DTL: variants seen among roughly 807,000 people sequenced by gnomAD.
The protein encoded by DTL is denticleless E3 ubiquitin protein ligase adapter, also known as denticleless protein homolog.
In DTL, 46 loss-of-function variants were observed where a neutral mutation model predicts 87.0. The observed-to-expected ratio is 0.53, with a 90% CI of 0.42 to 0.68. The LOEUF (loss-of-function observed/expected upper bound fraction) is 0.68. Among genes scored for constraint, DTL ranks in the 30% least tolerant of loss-of-function variants. The probability of loss-of-function intolerance (pLI) is 0.00; values close to 1 mark genes in which losing one functional copy is unlikely to be tolerated. For synonymous variants in DTL, 308 were observed against 311.2 expected (o/e 0.99, Z 0.11); for missense variants, 737 against 869.4 (o/e 0.85, Z 1.91).
intron 14 of DTL, 77 bp downstream of exon 14, chr1:212,101,161 CT>C (rs11422325): frequency 0.018 from 11,985 of 677,058 alleles, no homozygotes; most frequent in South Asian, 0.022. Context: ...AGTCAGGATG[CT>C]TTTTTTTTTT....
chr1:212,047,208 A>T lies in DTL; in HGVS notation c.335A>T (p.Lys112Ile). 6.2e-7 allele frequency: 1 copy of T among 1,614,202 alleles called. No individual in the cohort carries two copies. Among genetic ancestry groups the T allele is most frequent in the South Asian group, 1.1e-5 (1 of 91,088 alleles). ...FDLAWVPGEL[K>I]LVTAAGDQTA... ...CTGGCCTGGGTTCCTGGTGAACTTA[A>T]ACTTGTAAGTGACTTTATTTCATTA... The change falls in exon 4 of 15, where the codon AAA (lysine) becomes ATA (isoleucine). Residue 112 changes from lysine (K) to isoleucine (I), a missense_variant. By Grantham distance (102) the Lys-to-Ile change is moderately radical (BLOSUM62 -3). Transcript: ENST00000366991.
chr1:212,095,809 C>T (rs1655429482), intron 13 of DTL, among the ~76,000 whole-genome samples: 1 of 152,146 alleles, frequency 6.6e-6, no homozygotes, highest in South Asian at 2.1e-4. Flanking sequence ...CATCTATGTT[C>T]ATCAGGGATA....
At chr1:212,085,275 G>T (rs1373239981) in intron 13 of DTL, among the ~76,000 whole-genome samples, 1 of 152,096 alleles carries the variant, frequency 6.6e-6, no homozygotes, top group Non-Finnish European at 1.5e-5. Flanking sequence ...TAAAATGAGG[G>T]TTCCAATTTC....
chr1:212,083,580 G>A (rs1655045169), intron 13 of DTL, among the ~76,000 whole-genome samples: 1 of 152,154 alleles, frequency 6.6e-6, no homozygotes, highest in Admixed American at 6.5e-5. Flanking sequence ...TAATAATAAG[G>A]TAAAGAATAA....
At chr1:212,038,325 T>C (rs887902992) in intron 1 of DTL, among the ~76,000 whole-genome samples, 15 of 152,368 alleles carry the variant, frequency 9.8e-5, no homozygotes, top group African/African-American at 2.9e-4. Flanking sequence ...TTCATTTCTA[T>C]AAAAGCTGTG....
intron 1 of DTL, among the ~76,000 whole-genome samples, chr1:212,036,741 CT>C (rs1287898243): frequency 6.6e-6 from 1 of 152,286 alleles, no homozygotes; most frequent in East Asian, 1.9e-4. Context: ...TCAACTTAAA[CT>C]TTTTGGTAAG....
rs1655665733 is a variant in DTL at position 212,102,906 on chromosome 1, A to G, written c.2159A>G (p.Asp720Gly). The G allele has an allele frequency of 6.2e-7, 1 of 1,611,886 alleles. No homozygotes were observed. The change falls in exon 15 of 15, where the codon GAC becomes GGC. Residue 720 changes from aspartate to glycine, a missense_variant. By Grantham distance (94) the Asp-to-Gly change is moderately conservative. Coordinates refer to ENST00000366991, the MANE Select transcript of DTL (RefSeq NM_016448.4). The part of the protein sequence containing the change: ...CTYFHRKSQE[D>G]FCGPEHSTEL ...TACTTCCATAGAAAGTCCCAGGAGG[A>G]CTTCTGTGGTCCTGAACACTCAACA...
At chr1:212,069,517 TATTTA>T (rs1654608022) in intron 10 of DTL, among the ~76,000 whole-genome samples, 1 of 152,072 alleles carries the variant, frequency 6.6e-6, no homozygotes, top group Non-Finnish European at 1.5e-5. Context: ...TGTTTTATTT[TATTTA>T]TAGATAGATG....
intron 14 of DTL, among the ~76,000 whole-genome samples, chr1:212,101,286 TTTTG>T (rs1275501776): frequency 6.6e-6 from 1 of 152,178 alleles, no homozygotes; most frequent in Non-Finnish European, 1.5e-5. Flanking sequence ...AAGAAACTAT[TTTTG>T]TTTGTCTGAA....
In DTL at chr1:212,100,869, C is replaced by T. The variant is rs750406069; in HGVS notation, c.1879C>T (p.Pro627Ser). ...SISEPPSPIS[P>S]YASESCGTLP... is the part of the protein sequence containing the mutation. Reference sequence around the variant, plus strand: ...CTCAGAGCCTCCGTCTCCTATCAGTCCGTATGCTTCAGAAAGCTGTGGAAC... The same window carrying T: ...CTCAGAGCCTCCGTCTCCTATCAGTTCGTATGCTTCAGAAAGCTGTGGAAC... The change falls in exon 14 of 15, where the codon CCG becomes TCG. Residue 627 changes from proline to serine, a missense_variant. Coordinates refer to ENST00000366991, the MANE Select transcript of DTL (RefSeq NM_016448.4). 4 of 1,614,150 alleles carry T rather than the reference C, an allele frequency of 2.5e-6. No homozygotes were observed. The South Asian group carries it at 4.4e-5, about 18-fold the overall frequency.
rs111412719 is a variant in DTL at position 212,081,379 on chromosome 1, G to C, written c.1261+629G>C. On this transcript the variant is annotated intron_variant, in intron 13 of 14. Transcript: ENST00000366991. ...GAGAGGCTAGCATGGCTGGCCCCTA[G>C]GGCTGCAGCAGGCAAAGGAAAGGGA... Among the ~76,000 whole-genome samples the C allele has an allele frequency of 1.6e-4, 24 of 152,302 alleles. No individual in the cohort carries two copies. In the East Asian group the frequency reaches 4.2e-3, roughly 27 times the overall value.
In DTL at chr1:212,035,801, G is replaced by C; in HGVS notation, c.-90G>C. 7.7e-7 allele frequency: 1 copy of C among 1,290,790 alleles called. No individual in the cohort carries two copies. The highest frequency in any genetic ancestry group is 1.1e-6 in the Non-Finnish European group (1 of 902,784). 80.0% of individuals were successfully genotyped at this position (1,290,790 alleles called of 1,614,324 possible). A position where few individuals can be genotyped will look rare whatever the true frequency, so the allele number is the denominator to read the frequency against. ...CGGGAGTTGGAGGCGATAACGATTT[G>C]TGTTGTGAGAGGCGCAAGCTGCGAT... On this transcript the variant is annotated 5_prime_UTR_variant, in exon 1 of 15. Transcript: ENST00000366991.
At position 212,055,832 on chromosome 1, in the gene DTL, C is replaced by T. The variant is rs76401954; in HGVS notation, c.461-7052C>T. 5.0e-3 allele frequency among the ~76,000 whole-genome samples: 757 copies of T among 152,314 alleles called. 4 individuals carry two copies. Among genetic ancestry groups the T allele is most frequent in the African/African-American group, 0.017 (714 of 41,570 alleles). ...GTTCCACCTAGCCTGGCTTCATACACGCCACTACCCAAGCACACCCTCTGG... is the reference window on the plus strand; with the variant it reads ...GTTCCACCTAGCCTGGCTTCATACATGCCACTACCCAAGCACACCCTCTGG... On this transcript the variant is annotated intron_variant, in intron 5 of 14. Coordinates refer to ENST00000366991, the MANE Select transcript of DTL (RefSeq NM_016448.4).
intron 2 of DTL, among the ~76,000 whole-genome samples, chr1:212,043,828 CAAA>C (rs35962372): frequency 4.8e-5 from 4 of 83,666 alleles, no homozygotes; most frequent in Admixed American, 1.4e-4. Context: ...ACTTCATCTC[CAAA>C]AAAAAAAAAA....
chr1:212,051,442 C>CTTTTTTTT (rs958429363), intron 5 of DTL: 3 of 197,228 alleles, frequency 1.5e-5, no homozygotes, highest in East Asian at 1.0e-4. Context: ...ATATGAAATT[C>CTTTTTTTT]TTTTTTTTTT....
At chr1:212,089,952 T>G (rs1655236285) in intron 13 of DTL, among the ~76,000 whole-genome samples, 2 of 152,172 alleles carry the variant, frequency 1.3e-5, no homozygotes, top group South Asian at 4.1e-4. Flanking sequence ...TTTGACCCAC[T>G]TAAATGGAAC....
At chr1:212,043,154 A>G (rs765025261) in intron 2 of DTL, 36 bp downstream of exon 2, 2 of 1,590,156 alleles carry the variant, frequency 1.3e-6, no homozygotes, top group South Asian at 2.3e-5. Context: ...GCTTGGACAG[A>G]AATGATCTAT....
intron 7 of DTL, 101 bp from the exon 8 acceptor site, chr1:212,066,711 A>G: frequency 2.3e-6 from 2 of 860,050 alleles, no homozygotes; most frequent in South Asian, 3.1e-5. Flanking sequence ...ACTTCATCTA[A>G]GTCAGTCTGG....
At chr1:212,065,710 A>G (rs138120709) in intron 7 of DTL, among the ~76,000 whole-genome samples, 3 of 152,182 alleles carry the variant, frequency 2.0e-5, no homozygotes, top group Non-Finnish European at 4.4e-5. Context: ...ACAGAAAAAT[A>G]TGTTTTTTGT....
Sources: gnomAD v4.1 joint callset for allele counts (sites outside exome capture counted in the v4.1 genomes callset) on GRCh38, gnomAD v4.1.1 for gene constraint, MANE v1.5 for transcripts, NCBI Gene and HGNC (gene_info 2026-07-23, HGNC 2026-07-21) for gene names.